Variants in NAALADL2 observed in about 807,000 individuals in gnomAD.
The protein encoded by NAALADL2 is N-acetylated alpha-linked acidic dipeptidase like 2.
A neutral mutation model predicts 87.2 loss-of-function variants in NAALADL2; 76 were observed. The ratio of observed to expected loss-of-function variants is 0.87; its 90% CI spans 0.72 to 1.05. The LOEUF (loss-of-function observed/expected upper bound fraction) is 1.05, where lower values mean the gene tolerates loss of function less well. Among genes scored for constraint, NAALADL2 ranks in the 50% least tolerant of loss-of-function variants. The probability of loss-of-function intolerance (pLI) is 0.00; values close to 1 mark genes in which losing one functional copy is unlikely to be tolerated. For missense variants in NAALADL2, 1,089 were observed against 945.8 expected, an observed-to-expected ratio of 1.15 and a Z score of -1.99; for synonymous variants, 354 against 331.0, an observed-to-expected ratio of 1.07 and a Z score of -0.75.
intron 5 of NAALADL2, among the ~76,000 whole-genome samples, chr3:175,368,403 A>G (rs1344969083): frequency 6.6e-6 from 1 of 151,914 alleles, no homozygotes; most frequent in African/African-American, 2.4e-5. Context: ...CTCTTTTTCT[A>G]TTGATTGGAA....
chr3:174,657,625 C>T (rs1175571648), intron 2 of NAALADL2, among the ~76,000 whole-genome samples: 1 of 152,148 alleles, frequency 6.6e-6, no homozygotes. Context: ...ATCAGCGTCT[C>T]ATTATCACCC....
chr3:175,450,131 C>G (rs1307214825), intron 6 of NAALADL2, among the ~76,000 whole-genome samples: 1 of 151,938 alleles, frequency 6.6e-6, no homozygotes, highest in Non-Finnish European at 1.5e-5. Flanking sequence ...AGGATTATAA[C>G]CCCTTACCCT....
chr3:174,945,408 C>T (rs1739261537), intron 1 of NAALADL2, among the ~76,000 whole-genome samples: 1 of 152,074 alleles, frequency 6.6e-6, no homozygotes, highest in East Asian at 1.9e-4. Flanking sequence ...TACTGCATTG[C>T]CTATTATCTG....
intron 5 of NAALADL2, among the ~76,000 whole-genome samples, chr3:175,392,625 G>A (rs1769217243): frequency 6.6e-6 from 1 of 152,128 alleles, no homozygotes; most frequent in South Asian, 2.1e-4. Context: ...TTGTAATGCA[G>A]CACAACCCAA....
intron 9 of NAALADL2, 73 bp downstream of exon 9, chr3:175,471,831 T>G: frequency 7.7e-7 from 1 of 1,290,796 alleles, no homozygotes; most frequent in Non-Finnish European, 1.1e-6. Context: ...CATTTCTTGA[T>G]TTTTTCATTT....
intron 2 of NAALADL2, among the ~76,000 whole-genome samples, chr3:175,226,522 G>A (rs78962923): frequency 0.015 from 2,218 of 152,206 alleles, 56 homozygotes; most frequent in African/African-American, 0.051. Context: ...GAGATTCAGT[G>A]TAGAATAGTA....
intron 3 of NAALADL2, among the ~76,000 whole-genome samples, chr3:174,786,479 G>A (rs1082578): frequency 0.7 from 104,513 of 148,520 alleles, 37,312 homozygotes; most frequent in African/African-American, 0.82. Context: ...ATAAATAAAT[G>A]AAAAGGAGAA....
intron 1 of NAALADL2, among the ~76,000 whole-genome samples, chr3:174,975,026 C>T (rs1261207977): frequency 6.6e-6 from 1 of 151,924 alleles, no homozygotes; most frequent in African/African-American, 2.4e-5. Context: ...GAATTAATTG[C>T]CCTTTAAAGT....
At position 174,941,763 on chromosome 3, in the gene NAALADL2, T is replaced by C. The variant is rs1214422162; in HGVS notation, c.43+82313T>C. 1.1e-4 allele frequency among the ~76,000 whole-genome samples: 6 copies of C among 53,158 alleles called. No homozygotes were observed. The East Asian group carries it at 1.6e-3, about 14-fold the overall frequency. The allele number at this position is 53,158 out of a possible 152,430, so 34.9% of individuals were successfully genotyped here. A position where few individuals can be genotyped will look rare whatever the true frequency, so the allele number is the denominator to read the frequency against. The stretch of plus-strand genomic sequence containing the variant: ...TACTATTATATAATGTACTTCTTTA[T>C]GTTTTTTTTTATTTTTTGTTGGTTT... On this transcript the variant is annotated intron_variant, in intron 1 of 13. Transcript: ENST00000454872.
chr3:175,507,315 GA>G (rs1730485213), intron 9 of NAALADL2, among the ~76,000 whole-genome samples: 1 of 152,110 alleles, frequency 6.6e-6, no homozygotes, highest in Admixed American at 6.5e-5. Flanking sequence ...TCCTGCATTG[GA>G]AAAGGTCAGT....
At chr3:175,680,081 C>A (rs1252909354) in intron 11 of NAALADL2, among the ~76,000 whole-genome samples, 1 of 152,126 alleles carries the variant, frequency 6.6e-6, no homozygotes, top group Non-Finnish European at 1.5e-5. Context: ...TTGAATAACT[C>A]AGAGTGCCCT....
At chr3:175,065,196 C>T (rs1217199887) in intron 1 of NAALADL2, among the ~76,000 whole-genome samples, 1 of 152,050 alleles carries the variant, frequency 6.6e-6, no homozygotes, top group Non-Finnish European at 1.5e-5. Context: ...ATTTACTTAC[C>T]TGGGCACTGT....
intron 2 of NAALADL2, among the ~76,000 whole-genome samples, chr3:174,557,687 C>A (rs1353650865): frequency 7.1e-6 from 1 of 141,214 alleles, no homozygotes; most frequent in Non-Finnish European, 1.5e-5. Flanking sequence ...GAGGAGTCTG[C>A]ACTACTAGAA....
At chr3:174,762,650 A>G (rs1346402891) in intron 3 of NAALADL2, among the ~76,000 whole-genome samples, 2 of 152,028 alleles carry the variant, frequency 1.3e-5, no homozygotes, top group African/African-American at 4.8e-5. Context: ...TTGGGGCCCC[A>G]TGGTGGGTGA....
At chr3:174,797,305 C>CTTTTTCTTTTTTTTT (rs1718237636) in intron 3 of NAALADL2, among the ~76,000 whole-genome samples, 1 of 72,722 alleles carries the variant, frequency 1.4e-5, no homozygotes, top group African/African-American at 7.1e-5. Context: ...TTTCTTTTTT[C>CTTTTTCTTTTTTTTT]TTTTTTTTTT....
intron 1 of NAALADL2, among the ~76,000 whole-genome samples, chr3:174,924,631 C>T (rs9754994): frequency 0.59 from 89,098 of 151,516 alleles, 28,918 homozygotes; most frequent in East Asian, 0.91. Flanking sequence ...CTTGAGGAAT[C>T]GCCACACTGT....
intron 10 of NAALADL2, among the ~76,000 whole-genome samples, chr3:175,605,643 T>TTTTTTTGTTTG: frequency 1.1e-5 from 1 of 94,670 alleles, no homozygotes; most frequent in East Asian, 3.4e-4. Context: ...ATTGCTTGTT[T>TTTTTTTGTTTG]TTTTTTTTTT....
At chr3:175,729,957 G>A (rs1394882049) in intron 11 of NAALADL2, among the ~76,000 whole-genome samples, 1 of 151,844 alleles carries the variant, frequency 6.6e-6, no homozygotes, top group Non-Finnish European at 1.5e-5. Flanking sequence ...TTAAATGAAA[G>A]GTATAAACTA....
At position 175,361,759 on chromosome 3, in the gene NAALADL2, G is replaced by A. The variant is rs554415588; in HGVS notation, c.1090+37434G>A. 1.6e-3 allele frequency among the ~76,000 whole-genome samples: 233 copies of A among 148,184 alleles called. 15 individuals carry two copies. The highest frequency in any genetic ancestry group is 5.4e-3 in the African/African-American group (221 of 40,888). On this transcript the variant is annotated intron_variant, in intron 5 of 13. Transcript: ENST00000454872. ...TTTGTTTGAGTTCTTTGTAGATTCC[G>A]GATATTAGCCCTTTGTCAGATGGGT...
Sources: gnomAD v4.1 joint callset for allele counts (sites outside exome capture counted in the v4.1 genomes callset) on GRCh38, gnomAD v4.1.1 for gene constraint, MANE v1.5 for transcripts, NCBI Gene and HGNC (gene_info 2026-07-23, HGNC 2026-07-21) for gene names.